The following SEMA5A variants were observed in gnomAD, a reference collection of about 807,000 sequenced individuals.
SEMA5A encodes semaphorin-5A.
SEMA5A carries 55 observed loss-of-function variants against 135.5 expected under a neutral mutation model. That is an observed-to-expected ratio of 0.41 (90% confidence interval 0.33 to 0.51). The LOEUF (loss-of-function observed/expected upper bound fraction) is 0.51. Ranked by LOEUF, SEMA5A falls within the 20% of genes least tolerant of loss-of-function variation. The pLI, the probability that SEMA5A is intolerant of heterozygous loss-of-function variation, is 0.37. For synonymous variants in SEMA5A, 580 were observed against 546.5 expected (o/e 1.06, Z -0.85); for missense variants, 1,290 against 1,419.9 (o/e 0.91, Z 1.47).
rs781047921 is a variant in SEMA5A at position 9,051,863 on chromosome 5, C to T, written c.2845+10G>A. ...ATTTTATTCTTACTGATAAATACCT[C>T]TGCTCTTACCTGGGATGAAATTAGA... On this transcript the variant is annotated intron_variant, in intron 20 of 22. Coordinates refer to ENST00000382496, the MANE Select transcript of SEMA5A (RefSeq NM_003966.3). The T allele has an allele frequency of 6.2e-6, 10 of 1,614,046 alleles. No individual in the cohort carries two copies. The highest frequency in any genetic ancestry group is 8.5e-6 in the Non-Finnish European group (10 of 1,180,026).
intron 11 of SEMA5A, among the ~76,000 whole-genome samples, chr5:9,174,577 C>T (rs1463356098): frequency 2.0e-5 from 3 of 152,206 alleles, no homozygotes; most frequent in Admixed American, 6.5e-5. Context: ...GCACTGCTGT[C>T]TGTTTTAGAA....
intron 3 of SEMA5A, among the ~76,000 whole-genome samples, chr5:9,378,853 T>C (rs944377339): frequency 2.6e-5 from 4 of 152,180 alleles, no homozygotes; most frequent in African/African-American, 4.8e-5. Context: ...TATTTGTTTG[T>C]TTGTTTGCTG....
At chr5:9,162,243 G>A (rs1465853868) in intron 11 of SEMA5A, among the ~76,000 whole-genome samples, 3 of 152,032 alleles carry the variant, frequency 2.0e-5, no homozygotes, top group Non-Finnish European at 4.4e-5. Context: ...CGGCCAACAT[G>A]ATTTTCCATC....
At chr5:9,175,863 GT>G (rs35828670) in intron 11 of SEMA5A, among the ~76,000 whole-genome samples, 30,459 of 152,132 alleles carry the variant, frequency 0.2, 3,195 homozygotes, top group South Asian at 0.24. Flanking sequence ...TATTTAGAGG[GT>G]TTTTGGGGGA....
intron 13 of SEMA5A, among the ~76,000 whole-genome samples, chr5:9,125,452 T>G (rs1439496322): frequency 3.9e-5 from 6 of 152,152 alleles, no homozygotes; most frequent in African/African-American, 1.4e-4. Context: ...GGTTTTAAAC[T>G]CCACATGCAT....
At chr5:9,362,572 AGTTTT>A (rs1754744339) in intron 3 of SEMA5A, among the ~76,000 whole-genome samples, 2 of 152,214 alleles carry the variant, frequency 1.3e-5, no homozygotes, top group African/African-American at 4.8e-5. Flanking sequence ...GAAGATAGGT[AGTTTT>A]AAGTCCGTCC....
intron 5 of SEMA5A, among the ~76,000 whole-genome samples, chr5:9,245,781 C>A (rs1805999): frequency 6.6e-6 from 1 of 152,280 alleles, no homozygotes; most frequent in East Asian, 1.9e-4. Context: ...TATCTCAAAT[C>A]TCAGAAGCAC....
At chr5:9,377,236 A>G (rs2126466598) in intron 3 of SEMA5A, among the ~76,000 whole-genome samples, 1 of 152,314 alleles carries the variant, frequency 6.6e-6, no homozygotes, top group South Asian at 2.1e-4. Context: ...TCATCTAAGG[A>G]AAGAGAACAT....
In SEMA5A at chr5:9,329,066, C is replaced by T. The variant is rs373483952; in HGVS notation, c.224+8647G>A. On this transcript the variant is annotated intron_variant, in intron 4 of 22. Coordinates refer to ENST00000382496, the MANE Select transcript of SEMA5A (RefSeq NM_003966.3). ...TCTCTGACTTTTCCCATGTGACTCT[C>T]TGTCTTCCCTGCCAGATTCCTCAAG... 3.0e-4 allele frequency among the ~76,000 whole-genome samples: 45 copies of T among 152,336 alleles called. No individual in the cohort carries two copies. The East Asian group carries it at 5.8e-3, about 20-fold the overall frequency.
rs1404538745 is a variant in SEMA5A, at chr5:9,052,027, C to A, written c.2691G>T (p.Glu897Asp). The change falls in exon 20 of 23, where the codon GAG becomes GAT. Residue 897 changes from glutamate (E) to aspartate (D), a missense_variant and splice_region_variant. Glu to Asp is a conservative substitution (Grantham distance 45, BLOSUM62 2). This residue lies in a region of SEMA5A where 1,029 missense variants were observed against 1,086.6 expected (regional missense o/e 0.95). Transcript: ENST00000382496. ...ACCAGTCCGACCACTCCGACCAGCT[C>A]TCTGCAGAGACCAGAAAAGGGGAGA... ...EALCNTQPCP[E>D]SWSEWSDWSE... 2.5e-5 allele frequency: 40 copies of A among 1,597,064 alleles called. No homozygotes were observed. Among genetic ancestry groups the A allele is most frequent in the Non-Finnish European group, 3.4e-5 (40 of 1,170,590 alleles).
intron 11 of SEMA5A, among the ~76,000 whole-genome samples, chr5:9,183,585 G>C (rs771081592): frequency 6.6e-6 from 1 of 152,310 alleles, no homozygotes; most frequent in South Asian, 2.1e-4. Context: ...CAAGGGTTCA[G>C]GGTCAAGTAA....
In SEMA5A at chr5:9,330,161, T is replaced by A. The variant is rs560403770; in HGVS notation, c.224+7552A>T. Among the ~76,000 whole-genome samples, 8 of 151,394 alleles carry A rather than the reference T, an allele frequency of 5.3e-5. No individual in the cohort carries two copies. The East Asian group carries it at 1.6e-3, about 29-fold the overall frequency. ...AAAAAATACAGATGGGAGGCCGAGG[T>A]GGGCGGATCGCCAGGTCAGGAGATT... On this transcript the variant is annotated intron_variant, in intron 4 of 22. Transcript: ENST00000382496.
chr5:9,312,436 A>T (rs1319477338), intron 5 of SEMA5A, among the ~76,000 whole-genome samples: 1 of 151,900 alleles, frequency 6.6e-6, no homozygotes, highest in East Asian at 1.9e-4. Flanking sequence ...CTAGTCATTG[A>T]TGATAAACAG....
At chr5:9,138,844 A>G (rs997169047) in intron 12 of SEMA5A, among the ~76,000 whole-genome samples, 3 of 152,226 alleles carry the variant, frequency 2.0e-5, no homozygotes, top group African/African-American at 7.2e-5. Flanking sequence ...CTTATGAGTG[A>G]GAACATGCGA....
At chr5:9,532,292 G>A (rs1409466591) in intron 1 of SEMA5A, among the ~76,000 whole-genome samples, 1 of 151,320 alleles carries the variant, frequency 6.6e-6, no homozygotes, top group Non-Finnish European at 1.5e-5. Flanking sequence ...TTGAGACAGA[G>A]TCTCGCTCTA....
intron 2 of SEMA5A, among the ~76,000 whole-genome samples, chr5:9,420,938 C>T (rs947955931): frequency 1.3e-5 from 2 of 152,240 alleles, no homozygotes; most frequent in Non-Finnish European, 2.9e-5. Flanking sequence ...ATCGCTTGAA[C>T]CCCGGAGGGG....
chr5:9,394,585 A>C (rs1756308248), intron 2 of SEMA5A, among the ~76,000 whole-genome samples: 1 of 152,182 alleles, frequency 6.6e-6, no homozygotes, highest in Non-Finnish European at 1.5e-5. Context: ...GAGCAATAAC[A>C]AGTCATGGAA....
At chr5:9,353,259 G>GCAAA (rs1754267144) in intron 3 of SEMA5A, among the ~76,000 whole-genome samples, 2 of 142,244 alleles carry the variant, frequency 1.4e-5, no homozygotes, top group African/African-American at 5.5e-5. Context: ...GGGAAGGGAA[G>GCAAA]GGAAGCAAAG....
intron 1 of SEMA5A, among the ~76,000 whole-genome samples, chr5:9,473,634 G>GA (rs1759562956): frequency 6.6e-6 from 1 of 152,046 alleles, no homozygotes; most frequent in African/African-American, 2.4e-5. Flanking sequence ...AGCTGAAGAG[G>GA]AGGGGCTGGG....
Sources: allele counts gnomAD v4.1 joint callset (sites outside exome capture counted in the v4.1 genomes callset), GRCh38; gene constraint gnomAD v4.1.1; regional missense constraint gnomAD v4.1.1; transcripts MANE v1.5; gene names NCBI Gene and HGNC (gene_info 2026-07-23, HGNC 2026-07-21).